The following NUP214 variants were observed in gnomAD, a reference collection of about 807,000 sequenced individuals.
NUP214 encodes nucleoporin 214, also known as nuclear pore complex protein Nup214.
A neutral mutation model predicts 196.2 loss-of-function variants in NUP214; 79 were observed. That is an observed-to-expected ratio of 0.40 (90% CI 0.34 to 0.49). NUP214 has a LOEUF of 0.49. Ranked by LOEUF, NUP214 falls within the 20% of genes least tolerant of loss-of-function variation. The pLI, the probability that NUP214 is intolerant of heterozygous loss-of-function variation, is 0.58. For missense variants in NUP214, 2,468 were observed against 2,539.0 expected, an observed-to-expected ratio of 0.97 and a Z score of 0.60; for synonymous variants, 1,020 against 990.5, an observed-to-expected ratio of 1.03 and a Z score of -0.56.
At chr9:131,181,770 T>A (rs1482607339) in intron 24 of NUP214, among the ~76,000 whole-genome samples, 2 of 152,240 alleles carry the variant, frequency 1.3e-5, no homozygotes, top group African/African-American at 4.8e-5. Context: ...CTCCCATTCT[T>A]TGAGTTGTTT....
chr9:131,178,722 T>A (rs1833184777), intron 24 of NUP214, among the ~76,000 whole-genome samples: 2 of 143,746 alleles, frequency 1.4e-5, no homozygotes, highest in African/African-American at 2.6e-5. Flanking sequence ...TTTTTTTTAA[T>A]GCCCTAGGGG....
At position 131,125,726 on chromosome 9, in the gene NUP214, A is replaced by G. The variant is rs1172731606; in HGVS notation, c.22A>G (p.Met8Val). The G allele has an allele frequency of 3.9e-6, 6 of 1,552,640 alleles. No homozygotes were observed. The Admixed American group carries it at 5.9e-5, about 15-fold the overall frequency. Reference sequence around the variant, plus strand: ...CGCGATGGGAGACGAGATGGATGCCATGATTCCCGAGCGGGAGATGAAGGT... The same window carrying G: ...CGCGATGGGAGACGAGATGGATGCCGTGATTCCCGAGCGGGAGATGAAGGT... MGDEMDA[M>V]IPEREMKDFQ... Residue 8 changes from methionine (M) to valine (V), a missense_variant, in exon 1 of 36, where the codon ATG becomes GTG. Physicochemically the swap from Met to Val is conservative, Grantham distance 21. Transcript: ENST00000359428. This position sits in a 1 kb window ranked among gnomAD's most constrained non-coding sequence, Gnocchi z 4.1.
rs531872330 is a variant in NUP214, at chr9:131,186,159, A to G, written c.3420-1130A>G. Among the ~76,000 whole-genome samples, 126 of 152,218 alleles carry G rather than the reference A, an allele frequency of 8.3e-4. 2 individuals carry two copies. The highest frequency in any genetic ancestry group is 2.1e-4 in the Non-Finnish European group (14 of 68,028). ...ACAGATTCAGCGGAGGTGACGGGGG[A>G]ACACTGTATCTGTATTGCCTGCTTG... On this transcript the variant is annotated intron_variant, in intron 24 of 35. Transcript: ENST00000359428.
intron 28 of NUP214, among the ~76,000 whole-genome samples, chr9:131,196,192 G>A (rs553116862): frequency 6.6e-6 from 1 of 151,244 alleles, no homozygotes; most frequent in African/African-American, 2.5e-5. Context: ...GAGTCTCACT[G>A]TTGTCATCCA....
chr9:131,152,171 A>G (rs1333801915), intron 17 of NUP214, among the ~76,000 whole-genome samples: 2 of 152,112 alleles, frequency 1.3e-5, no homozygotes, highest in East Asian at 3.8e-4. Context: ...CTAGTGTGCA[A>G]TGGTGTGATC....
At chr9:131,130,709 A>G in intron 4 of NUP214, 57 bp from the exon 5 acceptor site, 1 of 1,439,380 alleles carries the variant, frequency 6.9e-7, no homozygotes, top group Non-Finnish European at 9.8e-7. Flanking sequence ...TGTGTGATAG[A>G]TCTTATTGGT....
At chr9:131,162,766 G>A in intron 18 of NUP214, 2 of 539,270 alleles carry the variant, frequency 3.7e-6, no homozygotes, top group Non-Finnish European at 6.5e-6. Context: ...TTTGCTACAG[G>A]ACTGGCCTGC....
At chr9:131,203,352 A>G (rs888668993) in intron 30 of NUP214, among the ~76,000 whole-genome samples, 1 of 152,162 alleles carries the variant, frequency 6.6e-6, no homozygotes, top group African/African-American at 2.4e-5. Flanking sequence ...GAAGGCCCAG[A>G]GAGGTTAAAT....
In NUP214 at chr9:131,198,817, G is replaced by T. The variant is rs764543921; in HGVS notation, c.5323G>T (p.Ala1775Ser). 4 of 1,614,174 alleles carry T rather than the reference G, an allele frequency of 2.5e-6. No individual in the cohort carries two copies. In the African/African-American group the frequency reaches 4.0e-5, roughly 16 times the overall value. ...CACCAGTGGAAGTGTCTTTGGTGCC[G>T]CCTCAAGTACCAGTAGCTCCAGTTC... ...TSTSGSVFGAASSTSSSSSFS... is the reference protein window; with the variant it reads ...TSTSGSVFGASSSTSSSSSFS... The change falls in exon 29 of 36, where the codon GCC (alanine) becomes TCC (serine). Residue 1775 changes from alanine (A) to serine (S), a missense_variant. Around this residue, in one of 5 missense-constraint regions of NUP214, gnomAD observed 1,801 missense variants for 1,779.4 expected, o/e 1.01. Transcript: ENST00000359428.
intron 14 of NUP214, among the ~76,000 whole-genome samples, 167 bp downstream of exon 14, chr9:131,147,751 G>A (rs1057170384): frequency 6.6e-6 from 1 of 152,218 alleles, no homozygotes; most frequent in Non-Finnish European, 1.5e-5. Flanking sequence ...TTGTATACTC[G>A]TAAAAGCCAT....
At chr9:131,177,365 G>GA (rs534931761) in intron 23 of NUP214, among the ~76,000 whole-genome samples, 46 of 152,280 alleles carry the variant, frequency 3.0e-4, no homozygotes, top group Middle Eastern at 3.4e-3. Flanking sequence ...GAACAGGCCT[G>GA]AAATCAAGTT....
rs763955549 is a variant in NUP214 at position 131,125,596 on chromosome 9, G to A, written c.-109G>A. On this transcript the variant is annotated 5_prime_UTR_variant, in exon 1 of 36. Transcript: ENST00000359428. The surrounding 1 kb of genome is among the most constrained non-coding windows in gnomAD (Gnocchi z 4.1). ...GCGCGCCGGAAATGCGAGGTCAACT[G>A]CGCGCCGCTGGCGCTGAGGGGAGGA... is the stretch of plus-strand genomic sequence containing the variant. The A allele has an allele frequency of 1.1e-5, 17 of 1,548,170 alleles. No individual in the cohort carries two copies. In the African/African-American group the frequency reaches 2.2e-4, roughly 20 times the overall value.
chr9:131,186,208 G>A (rs1359247753), intron 24 of NUP214, among the ~76,000 whole-genome samples: 1 of 152,208 alleles, frequency 6.6e-6, no homozygotes, highest in Non-Finnish European at 1.5e-5. Flanking sequence ...GGGGAACAGA[G>A]ATGTGTTTCT....
rs771029870 is a variant in NUP214, at chr9:131,189,020, T to A, written c.3496-33T>A. Reference sequence around the variant, plus strand: ...TTGTTACAAAGAATGGTTAGTGGTTTAACATAAACATTTTGCTTGCATTCT... The same window carrying A: ...TTGTTACAAAGAATGGTTAGTGGTTAAACATAAACATTTTGCTTGCATTCT... On this transcript the variant is annotated intron_variant, in intron 25 of 35. Transcript: ENST00000359428. 3.4e-6 allele frequency: 5 copies of A among 1,472,252 alleles called. No homozygotes were observed. The East Asian group carries it at 1.1e-4, about 33-fold the overall frequency. 91.2% of individuals were successfully genotyped at this position (1,472,252 alleles called of 1,614,324 possible).
rs544433693 is a variant in NUP214 at position 131,185,905 on chromosome 9, C to T, written c.3420-1384C>T. On this transcript the variant is annotated intron_variant, in intron 24 of 35. Coordinates refer to ENST00000359428, the MANE Select transcript of NUP214 (RefSeq NM_005085.4). ...CTCAGTCTTATTCATGCATAATTTACTATCATGTCACAATTGAATTCTGGC... is the reference window on the plus strand; with the variant it reads ...CTCAGTCTTATTCATGCATAATTTATTATCATGTCACAATTGAATTCTGGC... Among the ~76,000 whole-genome samples the T allele has an allele frequency of 2.6e-5, 4 of 152,264 alleles. No homozygotes were observed. The South Asian group carries it at 6.2e-4, about 24-fold the overall frequency.
chr9:131,213,361 GAC>G (rs1834301268), intron 30 of NUP214, among the ~76,000 whole-genome samples: 1 of 152,094 alleles, frequency 6.6e-6, no homozygotes, highest in Non-Finnish European at 1.5e-5. Context: ...TTTTAGTAGA[GAC>G]AGGGTTTCTC....
At chr9:131,205,626 A>G (rs1315734822) in intron 30 of NUP214, among the ~76,000 whole-genome samples, 2 of 152,246 alleles carry the variant, frequency 1.3e-5, no homozygotes, top group Non-Finnish European at 2.9e-5. Flanking sequence ...ATTGTGGTAT[A>G]TTCATACAGC....
intron 5 of NUP214, 139 bp downstream of exon 5, chr9:131,130,975 G>T: frequency 3.0e-6 from 2 of 659,228 alleles, no homozygotes; most frequent in Non-Finnish European, 5.3e-6. Flanking sequence ...AATGAAGAGT[G>T]GAACTCTTCC....
At chr9:131,220,221 T>C (rs180722771) in intron 31 of NUP214, among the ~76,000 whole-genome samples, 1 of 152,330 alleles carries the variant, frequency 6.6e-6, no homozygotes, top group Non-Finnish European at 1.5e-5. Flanking sequence ...CAGTGAAATA[T>C]TGTTCGGTCC....
Sources: gnomAD v4.1 joint callset for allele counts (sites outside exome capture counted in the v4.1 genomes callset) on GRCh38, gnomAD v4.1.1 for gene constraint, gnomAD v4.1.1 regional missense constraint, Gnocchi (gnomAD v3.1) non-coding constraint, MANE v1.5 for transcripts, NCBI Gene and HGNC (gene_info 2026-07-23, HGNC 2026-07-21) for gene names.